The following SERPINE2 variants were observed in gnomAD, a reference collection of about 807,000 sequenced individuals.
SERPINE2 encodes the protein serpin family E member 2.
A neutral mutation model predicts 36.3 loss-of-function variants in SERPINE2; 14 were observed. The observed-to-expected ratio is 0.39, with a 90% CI of 0.25 to 0.60. SERPINE2 has a LOEUF of 0.60. SERPINE2 is among the 20% of genes least tolerant of loss of function. The pLI is 0.57. For missense variants in SERPINE2, 418 were observed against 499.6 expected (o/e 0.84, Z 1.56); for synonymous variants, 192 against 191.8 (o/e 1.00, Z -0.01).
intron 1 of SERPINE2, chr2:224,031,402 GA>G (rs975455870): frequency 1.2e-5 from 12 of 985,448 alleles, no homozygotes; most frequent in African/African-American, 5.2e-5. Flanking sequence ...CCGTTGGGGG[GA>G]AAACAGAAAG....
chr2:224,001,486 T>C, intron 2 of SERPINE2, 156 bp downstream of exon 2: 1 of 755,870 alleles, frequency 1.3e-6, no homozygotes. Flanking sequence ...GTGTTTGTTC[T>C]TTAGAAGAGA....
intron 7 of SERPINE2, chr2:223,980,063 A>G: frequency 2.6e-6 from 1 of 386,462 alleles, no homozygotes; most frequent in Non-Finnish European, 4.7e-6. Flanking sequence ...CTCTTTATAG[A>G]AGTTTGCTGA....
At chr2:224,010,392 A>G in intron 1 of SERPINE2, 1 of 983,486 alleles carries the variant, frequency 1.0e-6, no homozygotes, top group Non-Finnish European at 1.2e-6. Flanking sequence ...GGTCCCTTCA[A>G]TGAAAAGACA....
chr2:224,025,992 G>A (rs927091694), intron 1 of SERPINE2, among the ~76,000 whole-genome samples: 2 of 152,210 alleles, frequency 1.3e-5, no homozygotes, highest in Non-Finnish European at 2.9e-5. Context: ...TTCAAGGTAG[G>A]TGGGCGTGAC....
chr2:224,020,323 G>C (rs1206384983), intron 1 of SERPINE2, among the ~76,000 whole-genome samples: 1 of 152,180 alleles, frequency 6.6e-6, no homozygotes, highest in Non-Finnish European at 1.5e-5. Context: ...AGAGAGTTGG[G>C]GGATAGATGG....
At position 223,980,389 on chromosome 2, in the gene SERPINE2, T is replaced by G. The variant is rs201423559; in HGVS notation, c.994A>C (p.Asn332His). 8.7e-6 allele frequency: 14 copies of G among 1,614,012 alleles called. No individual in the cohort carries two copies. Among genetic ancestry groups the G allele is most frequent in the Non-Finnish European group, 1.2e-5 (14 of 1,179,854 alleles). Residue 332 changes from asparagine (N) to histidine (H), a missense_variant, in exon 7 of 9, where the codon AAC becomes CAC. Asn to His is a moderately conservative substitution (Grantham distance 68, BLOSUM62 1). Coordinates refer to ENST00000409304, the MANE Select transcript of SERPINE2 (RefSeq NM_001136528.2). ...ANFAKITRSE[N>H]LHVSHILQKA... ...TGCAAGATATGAGAAACATGGAGGTTTTCTGACCCTGCTTCCAGAAAATAA... is the reference window on the plus strand; with the variant it reads ...TGCAAGATATGAGAAACATGGAGGTGTTCTGACCCTGCTTCCAGAAAATAA...
intron 4 of SERPINE2, among the ~76,000 whole-genome samples, chr2:223,990,135 C>T (rs1426328657): frequency 6.6e-6 from 1 of 152,082 alleles, no homozygotes; most frequent in Non-Finnish European, 1.5e-5. Flanking sequence ...CTCCTCTGTC[C>T]TTCCTATCGC....
chr2:224,012,937 G>T (rs1691681870), intron 1 of SERPINE2, among the ~76,000 whole-genome samples: 1 of 151,970 alleles, frequency 6.6e-6, no homozygotes, highest in Admixed American at 6.6e-5. Flanking sequence ...ATAATAAAGT[G>T]GAATCTTTTT....
At chr2:223,983,941 C>T (rs1280253507) in intron 5 of SERPINE2, among the ~76,000 whole-genome samples, 1 of 145,336 alleles carries the variant, frequency 6.9e-6, no homozygotes, top group African/African-American at 2.5e-5. Flanking sequence ...TTATATCAAG[C>T]ATTGCCTACT....
At chr2:224,032,378 T>C (rs372982370) in intron 1 of SERPINE2, among the ~76,000 whole-genome samples, 2 of 152,310 alleles carry the variant, frequency 1.3e-5, no homozygotes. Flanking sequence ...TCTATAGCTA[T>C]ATTTGCTGGA....
rs567179798 is a variant in SERPINE2, at chr2:224,002,022, G to A, written c.-22-100C>T. ...GATAGAGACTCGTTCTTTCACCCAG[G>A]CTGGAGTGAAGTGGTGCCATCTCAG... On this transcript the variant is annotated intron_variant, in intron 1 of 8. Transcript: ENST00000409304. 85 of 1,156,262 alleles carry A rather than the reference G, an allele frequency of 7.4e-5. 2 individuals are homozygous for A. The Admixed American group carries it at 2.0e-3, about 27-fold the overall frequency. 71.6% of individuals were successfully genotyped at this position (1,156,262 alleles called of 1,614,324 possible).
At chr2:224,017,089 T>C (rs183704294) in intron 1 of SERPINE2, among the ~76,000 whole-genome samples, 64 of 152,316 alleles carry the variant, frequency 4.2e-4, no homozygotes, top group African/African-American at 1.4e-3. Context: ...GTGATAAAAC[T>C]GCATAGAAGT....
chr2:224,001,967 T>A (rs749463944), intron 1 of SERPINE2, 45 bp from the exon 2 acceptor site: 4 of 1,477,292 alleles, frequency 2.7e-6, no homozygotes, highest in South Asian at 2.7e-5. Flanking sequence ...CTTAAATGGG[T>A]ACTTTACTAC....
intron 4 of SERPINE2, among the ~76,000 whole-genome samples, chr2:223,988,450 G>A (rs1005890963): frequency 1.3e-5 from 2 of 152,184 alleles, no homozygotes; most frequent in African/African-American, 4.8e-5. Context: ...GGAATTACAG[G>A]TGTGTGCCAT....
intron 1 of SERPINE2, among the ~76,000 whole-genome samples, chr2:224,009,365 C>T (rs1163523149): frequency 6.6e-6 from 1 of 152,292 alleles, no homozygotes; most frequent in South Asian, 2.1e-4. Context: ...ATCATGACAT[C>T]TCTCAACAGC....
intron 4 of SERPINE2, among the ~76,000 whole-genome samples, chr2:223,986,230 TA>T (rs1690424288): frequency 6.6e-6 from 1 of 152,190 alleles, no homozygotes; most frequent in Non-Finnish European, 1.5e-5. Flanking sequence ...AGGATGACAC[TA>T]CAGTTTTTCC....
At chr2:224,023,166 T>C (rs770387890) in intron 1 of SERPINE2, among the ~76,000 whole-genome samples, 1 of 152,250 alleles carries the variant, frequency 6.6e-6, no homozygotes, top group Non-Finnish European at 1.5e-5. Flanking sequence ...CCCATGAAGA[T>C]TTTGTTAAGG....
intron 1 of SERPINE2, among the ~76,000 whole-genome samples, chr2:224,003,096 A>G (rs1049204456): frequency 2.0e-5 from 3 of 152,148 alleles, no homozygotes; most frequent in Non-Finnish European, 4.4e-5. Flanking sequence ...TCTCTATGGC[A>G]GGAACATCGT....
intron 1 of SERPINE2, among the ~76,000 whole-genome samples, chr2:224,003,831 T>TA (rs1445505434): frequency 2.0e-5 from 3 of 152,136 alleles, no homozygotes; most frequent in African/African-American, 4.8e-5. Flanking sequence ...ACTCTGTTGT[T>TA]ACGTGTGGGA....
Sources: allele counts gnomAD v4.1 joint callset (sites outside exome capture counted in the v4.1 genomes callset), GRCh38; gene constraint gnomAD v4.1.1; transcripts MANE v1.5; gene names NCBI Gene and HGNC (gene_info 2026-07-23, HGNC 2026-07-21).